Variants in AHCYL2 observed in about 807,000 individuals in gnomAD.
AHCYL2 encodes the protein S-adenosylhomocysteine hydrolase-like protein 2.
AHCYL2 carries 28 observed loss-of-function variants against 81.4 expected under a neutral mutation model. The ratio of observed to expected loss-of-function variants is 0.34; its 90% CI spans 0.25 to 0.47. The LOEUF (loss-of-function observed/expected upper bound fraction) is 0.47. Ranked by LOEUF, AHCYL2 falls within the 20% of genes least tolerant of loss-of-function variation. AHCYL2 has a pLI of 1.00. For missense variants in AHCYL2, 551 were observed against 785.1 expected (o/e 0.70, Z 3.56); for synonymous variants, 272 against 290.2 (o/e 0.94, Z 0.64).
At chr7:129,287,726 T>C (rs1796685388) in intron 1 of AHCYL2, among the ~76,000 whole-genome samples, 1 of 152,226 alleles carries the variant, frequency 6.6e-6, no homozygotes, top group Non-Finnish European at 1.5e-5. Context: ...TTTTTAGTGA[T>C]TATAATTAGT....
At chr7:129,372,851 T>C (rs562539812) in intron 1 of AHCYL2, among the ~76,000 whole-genome samples, 10 of 152,234 alleles carry the variant, frequency 6.6e-5, no homozygotes, top group African/African-American at 2.4e-4. Context: ...GATCACCTCA[T>C]TGTATTCTCT....
intron 11 of AHCYL2, among the ~76,000 whole-genome samples, chr7:129,412,823 T>A (rs1327346936): frequency 6.6e-6 from 1 of 152,096 alleles, no homozygotes; most frequent in Non-Finnish European, 1.5e-5. Flanking sequence ...TCTGAAGAAA[T>A]GTCGATTCAG....
chr7:129,294,257 A>C (rs1796978835), intron 1 of AHCYL2, among the ~76,000 whole-genome samples: 1 of 152,172 alleles, frequency 6.6e-6, no homozygotes, highest in African/African-American at 2.4e-5. Flanking sequence ...AGCTCTCTTT[A>C]GATTGATGCC....
At chr7:129,226,623 A>G (rs1314350930) in intron 1 of AHCYL2, among the ~76,000 whole-genome samples, 1 of 152,238 alleles carries the variant, frequency 6.6e-6, no homozygotes, top group Non-Finnish European at 1.5e-5. Context: ...TTTTGTTGTC[A>G]TAGCGTCATG....
intron 11 of AHCYL2, 55 bp from the exon 12 acceptor site, chr7:129,413,539 C>T (rs1796698592): frequency 7.4e-7 from 1 of 1,342,656 alleles, no homozygotes; most frequent in Non-Finnish European, 1.1e-6. Context: ...TTTATTTTCT[C>T]ATTCTGTGGA....
chr7:129,233,721 G>A (rs1794533597), intron 1 of AHCYL2, among the ~76,000 whole-genome samples: 1 of 152,118 alleles, frequency 6.6e-6, no homozygotes, highest in African/African-American at 2.4e-5. Context: ...TCCTGACCTC[G>A]TGATCCGCCC....
At chr7:129,287,093 A>G (rs1796661564) in intron 1 of AHCYL2, among the ~76,000 whole-genome samples, 1 of 152,224 alleles carries the variant, frequency 6.6e-6, no homozygotes. Context: ...TGATGGCCAA[A>G]TTCATAAAAA....
At chr7:129,238,626 TGAGGTGAAACCCAA>T (rs1794722528) in intron 1 of AHCYL2, among the ~76,000 whole-genome samples, 1 of 152,072 alleles carries the variant, frequency 6.6e-6, no homozygotes, top group Admixed American at 6.6e-5. Flanking sequence ...GCACTGAAAT[TGAGGTGAAACCCAA>T]GAGGTTTCAC....
intron 1 of AHCYL2, chr7:129,375,857 T>C: frequency 6.5e-7 from 1 of 1,535,854 alleles, no homozygotes; most frequent in East Asian, 2.4e-5. Flanking sequence ...GCAGTGGGGC[T>C]GGTAATGTCA....
intron 1 of AHCYL2, among the ~76,000 whole-genome samples, chr7:129,338,349 G>C (rs996020397): frequency 2.0e-5 from 3 of 151,628 alleles, no homozygotes; most frequent in African/African-American, 7.3e-5. Context: ...GAGACTGGAG[G>C]TCTTGCTGTT....
chr7:129,259,715 A>C (rs1342243319), intron 1 of AHCYL2, among the ~76,000 whole-genome samples: 1 of 152,138 alleles, frequency 6.6e-6, no homozygotes, highest in Non-Finnish European at 1.5e-5. Flanking sequence ...GAAAACGACG[A>C]CTCACTCTGT....
intron 1 of AHCYL2, among the ~76,000 whole-genome samples, chr7:129,244,624 G>A (rs1794984178): frequency 6.6e-6 from 1 of 152,090 alleles, no homozygotes; most frequent in African/African-American, 2.4e-5. Context: ...CCTCTTTTAT[G>A]AGGGCACTAA....
chr7:129,408,172 T>G (rs1796391038), intron 10 of AHCYL2, among the ~76,000 whole-genome samples: 1 of 152,214 alleles, frequency 6.6e-6, no homozygotes, highest in Non-Finnish European at 1.5e-5. Context: ...CACTGAAGTA[T>G]TTTAAGGAAA....
At chr7:129,287,818 T>C (rs9649531) in intron 1 of AHCYL2, among the ~76,000 whole-genome samples, 78,190 of 152,020 alleles carry the variant, frequency 0.51, 22,840 homozygotes, top group East Asian at 0.65. Flanking sequence ...CTTTTGAATG[T>C]TTTTTATAAT....
intron 1 of AHCYL2, among the ~76,000 whole-genome samples, chr7:129,267,992 A>G (rs1795876784): frequency 6.6e-6 from 1 of 152,178 alleles, no homozygotes; most frequent in South Asian, 2.1e-4. Context: ...GATGAGGGGA[A>G]ATAGAGAGAG....
intron 1 of AHCYL2, among the ~76,000 whole-genome samples, chr7:129,331,868 A>AT (rs1798438420): frequency 6.7e-6 from 1 of 150,138 alleles, no homozygotes; most frequent in African/African-American, 2.4e-5. Flanking sequence ...TTAATTAAAA[A>AT]ATATATATAT....
In AHCYL2 at chr7:129,426,518, A is replaced by G; in HGVS notation, c.1784A>G (p.Tyr595Cys). The G allele has an allele frequency of 6.2e-7, 1 of 1,614,096 alleles. No homozygotes were observed. The highest frequency in any genetic ancestry group is 1.1e-5 in the South Asian group (1 of 91,076). ...GAGCTGACAGATGAACAGGCCAAGT[A>G]TCTGGGACTCAACAAGAATGGGCCC... Reference protein sequence around the residue: ...LTELTDEQAKYLGLNKNGPFK... With the variant: ...LTELTDEQAKCLGLNKNGPFK... The change falls in exon 16 of 17, where the codon TAT becomes TGT. Residue 595 changes from tyrosine (Y) to cysteine (C), a missense_variant. Tyr to Cys is a radical substitution (Grantham distance 194). Around this residue, in one of 2 missense-constraint regions of AHCYL2, gnomAD observed 316 missense variants for 543.1 expected, o/e 0.58. Transcript: ENST00000325006. The surrounding 1 kb of genome is among the most constrained non-coding windows in gnomAD (Gnocchi z 4.3).
chr7:129,229,479 C>A (rs1230894605), intron 1 of AHCYL2, among the ~76,000 whole-genome samples: 1 of 151,056 alleles, frequency 6.6e-6, no homozygotes, highest in Non-Finnish European at 1.5e-5. Flanking sequence ...GGTTAAGTGC[C>A]TTGCCCAAGG....
chr7:129,278,355 C>T lies in AHCYL2; in HGVS notation c.363+52916C>T, dbSNP rs780318880. On this transcript the variant is annotated intron_variant, in intron 1 of 16. Coordinates refer to ENST00000325006, the MANE Select transcript of AHCYL2 (RefSeq NM_015328.4). ...TCTCCCAGTGTGTTGGGATTACAGG[C>T]GTGAGTCACCACATCCAGTCTCTTT... 9.9e-5 allele frequency among the ~76,000 whole-genome samples: 15 copies of T among 152,102 alleles called. No homozygotes were observed. The South Asian group carries it at 2.5e-3, about 25-fold the overall frequency.
Sources: gnomAD v4.1 joint callset for allele counts (sites outside exome capture counted in the v4.1 genomes callset) on GRCh38, gnomAD v4.1.1 for gene constraint, gnomAD v4.1.1 regional missense constraint, Gnocchi (gnomAD v3.1) non-coding constraint, MANE v1.5 for transcripts, NCBI Gene and HGNC (gene_info 2026-07-23, HGNC 2026-07-21) for gene names.